VAC14: variants seen among roughly 807,000 people sequenced by gnomAD.
The protein encoded by VAC14 is VAC14 component of PIKFYVE complex, also known as protein VAC14 homolog.
In VAC14, 47 loss-of-function variants were observed where a neutral mutation model predicts 85.3. That is an observed-to-expected ratio of 0.55 (90% CI 0.44 to 0.70). The LOEUF is 0.70. Among genes scored for constraint, VAC14 ranks in the 30% least tolerant of loss-of-function variants. The pLI is 0.00. For missense variants in VAC14, 861 were observed against 1,004.3 expected (o/e 0.86, Z 1.93); for synonymous variants, 447 against 430.5 (o/e 1.04, Z -0.47).
At chr16:70,697,741 C>T (rs926934873) in intron 15 of VAC14, among the ~76,000 whole-genome samples, 1 of 152,194 alleles carries the variant, frequency 6.6e-6, no homozygotes, top group African/African-American at 2.4e-5. Flanking sequence ...GGAGCCCTTG[C>T]CCCCGAGGAA....
At chr16:70,722,840 G>C (rs12149236) in intron 14 of VAC14, among the ~76,000 whole-genome samples, 9,538 of 152,184 alleles carry the variant, frequency 0.063, 340 homozygotes, top group Middle Eastern at 0.15. Context: ...AGCACTTTGA[G>C]AGGCCAAGAC....
At chr16:70,688,683 T>G in intron 18 of VAC14, 1 of 985,630 alleles carries the variant, frequency 1.0e-6, no homozygotes, top group Non-Finnish European at 1.2e-6. Flanking sequence ...TTCCTGTTGC[T>G]GCCACCCTCT....
At chr16:70,787,542 T>C (rs2143291519) in intron 1 of VAC14, among the ~76,000 whole-genome samples, 1 of 152,200 alleles carries the variant, frequency 6.6e-6, no homozygotes, top group South Asian at 2.1e-4. Flanking sequence ...CAGACTAGTC[T>C]GTTTTCAGAG....
At chr16:70,688,239 G>T in intron 18 of VAC14, 149 bp from the exon 19 acceptor site, 1 of 1,278,842 alleles carries the variant, frequency 7.8e-7, no homozygotes, top group Non-Finnish European at 9.9e-7. Context: ...TTCCGTCATG[G>T]CGGGCCCCAG....
Position 70,782,022 on chromosome 16 carries a change from G to T in VAC14, c.812-19C>A. On this transcript the variant is annotated intron_variant, in intron 7 of 18. Transcript: ENST00000261776. ...AGGTCATCTGGAAGGGGAATCAGGG[G>T]GTTCAGAGGGGCCAGCACACGCAGC... The T allele has an allele frequency of 6.2e-7, 1 of 1,610,932 alleles. No homozygotes were observed. The highest frequency in any genetic ancestry group is 8.5e-7 in the Non-Finnish European group (1 of 1,177,850).
intron 13 of VAC14, among the ~76,000 whole-genome samples, chr16:70,736,055 C>A (rs1474504498): frequency 6.6e-6 from 1 of 152,196 alleles, no homozygotes; most frequent in Non-Finnish European, 1.5e-5. Flanking sequence ...TGGCTTCATG[C>A]TGCCCACACT....
chr16:70,756,789 TC>T (rs1215353947), intron 12 of VAC14, among the ~76,000 whole-genome samples: 2 of 152,010 alleles, frequency 1.3e-5, no homozygotes, highest in Non-Finnish European at 2.9e-5. Flanking sequence ...CAACAAAAGC[TC>T]CTTTTCAGAT....
At chr16:70,689,511 G>T (rs910167699) in intron 18 of VAC14, 279 of 985,418 alleles carry the variant, frequency 2.8e-4, no homozygotes, top group Non-Finnish European at 3.3e-4. Context: ...AGGGCAGGGG[G>T]ACTCTTCCCA....
chr16:70,785,382 C>CGGTCT (rs2034001961), intron 3 of VAC14, among the ~76,000 whole-genome samples: 2 of 152,236 alleles, frequency 1.3e-5, no homozygotes, highest in African/African-American at 4.8e-5. Context: ...AGGGAAAGTA[C>CGGTCT]GGTCTGGATG....
chr16:70,784,696 C>G (rs150156705), intron 4 of VAC14, 80 bp downstream of exon 4: 14,706 of 1,312,452 alleles, frequency 0.011, 114 homozygotes, highest in Middle Eastern at 0.05. Flanking sequence ...AGAACATTCC[C>G]AATGACAGAA....
chr16:70,694,284 GACC>G (rs1051307658), intron 17 of VAC14, among the ~76,000 whole-genome samples: 2 of 152,240 alleles, frequency 1.3e-5, no homozygotes, highest in African/African-American at 4.8e-5. Flanking sequence ...AGTCAGGACA[GACC>G]AGCAGCAGGA....
intron 12 of VAC14, chr16:70,747,092 C>A (rs1408634215): frequency 6.6e-6 from 1 of 152,144 alleles, no homozygotes; most frequent in Non-Finnish European, 1.5e-5. Flanking sequence ...AAAGGCCCTG[C>A]AGTGGAGACA....
chr16:70,792,871 G>A (rs530907722), intron 1 of VAC14, among the ~76,000 whole-genome samples: 1 of 152,266 alleles, frequency 6.6e-6, no homozygotes, highest in East Asian at 1.9e-4. Context: ...AGTATTCCAG[G>A]GGTCAGTTAT....
At chr16:70,736,188 T>G (rs2143005790) in intron 13 of VAC14, among the ~76,000 whole-genome samples, 1 of 152,352 alleles carries the variant, frequency 6.6e-6, no homozygotes, top group African/African-American at 2.4e-5. Flanking sequence ...AGCCTCAGTT[T>G]CCTCATCTGT....
chr16:70,788,821 G>A (rs2034191105), intron 1 of VAC14, among the ~76,000 whole-genome samples: 1 of 152,206 alleles, frequency 6.6e-6, no homozygotes, highest in African/African-American at 2.4e-5. Flanking sequence ...GAGAGATCCT[G>A]CTAGAGGAGC....
At chr16:70,785,651 A>C (rs1435685560) in intron 3 of VAC14, 51 bp downstream of exon 3, 21 of 1,507,362 alleles carry the variant, frequency 1.4e-5, no homozygotes, top group Non-Finnish European at 1.8e-5. Flanking sequence ...AGGTCAAGTG[A>C]GGTGGGGGAA....
intron 14 of VAC14, chr16:70,699,240 T>G: frequency 1.0e-5 from 2 of 198,264 alleles, no homozygotes; most frequent in Non-Finnish European, 2.1e-5. Flanking sequence ...ATCCAGCCAA[T>G]TCTCCACACA....
At chr16:70,784,576 G>C (rs2033961739) in intron 4 of VAC14, among the ~76,000 whole-genome samples, 200 bp downstream of exon 4, 1 of 152,126 alleles carries the variant, frequency 6.6e-6, no homozygotes, top group Non-Finnish European at 1.5e-5. Flanking sequence ...GGACATTTTG[G>C]GTGATGGCAC....
intron 1 of VAC14, among the ~76,000 whole-genome samples, chr16:70,788,610 C>T (rs2034179813): frequency 6.6e-6 from 1 of 152,208 alleles, no homozygotes; most frequent in Non-Finnish European, 1.5e-5. Flanking sequence ...CCAGGTGAGA[C>T]CCAATCATCT....
Sources: allele counts gnomAD v4.1 joint callset (sites outside exome capture counted in the v4.1 genomes callset), GRCh38; gene constraint gnomAD v4.1.1; transcripts MANE v1.5; gene names NCBI Gene and HGNC (gene_info 2026-07-23, HGNC 2026-07-21).